Variants in UNC5D observed in about 807,000 individuals in gnomAD.
UNC5D encodes netrin receptor UNC5D.
UNC5D carries 39 observed loss-of-function variants against 105.4 expected under a neutral mutation model. The observed-to-expected ratio is 0.37, with a 90% CI of 0.29 to 0.48. UNC5D has a LOEUF of 0.48. UNC5D is among the 20% of genes least tolerant of loss of function. UNC5D has a pLI of 0.98. For synonymous variants in UNC5D, 452 were observed against 450.4 expected, an observed-to-expected ratio of 1.00 and a Z score of -0.04; for missense variants, 991 against 1,202.4, an observed-to-expected ratio of 0.82 and a Z score of 2.60.
intron 8 of UNC5D, among the ~76,000 whole-genome samples, chr8:35,706,665 A>AT (rs954172117): frequency 1.3e-5 from 2 of 152,020 alleles, no homozygotes; most frequent in Non-Finnish European, 2.9e-5. Flanking sequence ...AGGTATCTCT[A>AT]TTTTTCAAAG....
At chr8:35,301,755 CCTT>C (rs1807975806) in intron 1 of UNC5D, among the ~76,000 whole-genome samples, 1 of 152,028 alleles carries the variant, frequency 6.6e-6, no homozygotes, top group Non-Finnish European at 1.5e-5. Flanking sequence ...CAAATGGCCT[CCTT>C]CTTATATAAT....
chr8:35,767,468 GCTGGTTCTGA>G (rs1658747256), intron 15 of UNC5D, among the ~76,000 whole-genome samples: 1 of 152,136 alleles, frequency 6.6e-6, no homozygotes, highest in African/African-American at 2.4e-5. Flanking sequence ...CTGTTTTTCT[GCTGGTTCTGA>G]CTAGTTTCCA....
intron 1 of UNC5D, among the ~76,000 whole-genome samples, chr8:35,325,806 A>T (rs1015706351): frequency 2.6e-5 from 4 of 152,114 alleles, no homozygotes; most frequent in African/African-American, 9.7e-5. Context: ...ACATTTACTT[A>T]ATGTCCGTTG....
intron 1 of UNC5D, among the ~76,000 whole-genome samples, chr8:35,410,854 T>G (rs1225702783): frequency 2.0e-5 from 3 of 152,080 alleles, no homozygotes; most frequent in Non-Finnish European, 2.9e-5. Flanking sequence ...CTTTTCACAT[T>G]TTTTCTCAGG....
chr8:35,237,773 G>T (rs984536715), intron 1 of UNC5D, among the ~76,000 whole-genome samples: 1 of 152,142 alleles, frequency 6.6e-6, no homozygotes. Flanking sequence ...ACATTCTGGG[G>T]CATGAGGCCC....
chr8:35,519,262 T>C lies in UNC5D; in HGVS notation c.104-30030T>C, dbSNP rs115303666. 6.4e-3 allele frequency among the ~76,000 whole-genome samples: 970 copies of C among 152,268 alleles called. 9 individuals are homozygous for C. Among genetic ancestry groups the C allele is most frequent in the African/African-American group, 0.022 (932 of 41,558 alleles). On this transcript the variant is annotated intron_variant, in intron 1 of 16. Coordinates refer to ENST00000404895, the MANE Select transcript of UNC5D (RefSeq NM_080872.4). ...AATAATATGATCTTATAATGGTCTTTCTTGTATGGGGCTGACATGATTACC... is the reference window on the plus strand; with the variant it reads ...AATAATATGATCTTATAATGGTCTTCCTTGTATGGGGCTGACATGATTACC...
chr8:35,757,559 T>TC (rs1368703086), intron 13 of UNC5D, among the ~76,000 whole-genome samples: 1 of 152,124 alleles, frequency 6.6e-6, no homozygotes, highest in Non-Finnish European at 1.5e-5. Context: ...TTTCTTAACC[T>TC]CCTAGGCATT....
At chr8:35,490,567 A>C (rs988163767) in intron 1 of UNC5D, among the ~76,000 whole-genome samples, 14 of 152,128 alleles carry the variant, frequency 9.2e-5, no homozygotes, top group African/African-American at 2.4e-4. Context: ...CCTTCATGGA[A>C]GAGAACTTTC....
intron 1 of UNC5D, among the ~76,000 whole-genome samples, chr8:35,488,838 C>T (rs1268852808): frequency 6.6e-6 from 1 of 152,132 alleles, no homozygotes; most frequent in African/African-American, 2.4e-5. Flanking sequence ...CACTTCAGTT[C>T]TCAACCACAC....
intron 4 of UNC5D, among the ~76,000 whole-genome samples, chr8:35,658,951 G>A (rs533090858): frequency 1.6e-4 from 24 of 152,222 alleles, no homozygotes; most frequent in African/African-American, 4.1e-4. Flanking sequence ...CACCGTGCCC[G>A]GCAGAGTGAC....
intron 1 of UNC5D, among the ~76,000 whole-genome samples, chr8:35,499,830 C>A (rs574732459): frequency 3.3e-5 from 5 of 152,170 alleles, no homozygotes; most frequent in Non-Finnish European, 7.3e-5. Flanking sequence ...TGGAGCATTG[C>A]ATGATATTGA....
chr8:35,305,262 G>T (rs1339196005), intron 1 of UNC5D, among the ~76,000 whole-genome samples: 1 of 152,090 alleles, frequency 6.6e-6, no homozygotes, highest in African/African-American at 2.4e-5. Flanking sequence ...AATAACCACG[G>T]TCAGAACTAT....
intron 1 of UNC5D, chr8:35,544,674 C>CTCACGGCAA: frequency 8.9e-7 from 1 of 1,129,392 alleles, no homozygotes; most frequent in Non-Finnish European, 1.2e-6. Context: ...GTGATCACGG[C>CTCACGGCAA]TCACGGCAAC....
intron 3 of UNC5D, among the ~76,000 whole-genome samples, chr8:35,578,489 C>T (rs529710642): frequency 6.6e-6 from 1 of 152,252 alleles, no homozygotes; most frequent in Non-Finnish European, 1.5e-5. Context: ...TCTGAAGCAT[C>T]AATCATATTC....
At chr8:35,758,990 G>C (rs1006631260) in intron 13 of UNC5D, among the ~76,000 whole-genome samples, 2 of 152,192 alleles carry the variant, frequency 1.3e-5, no homozygotes, top group African/African-American at 4.8e-5. Flanking sequence ...AATTCCTACA[G>C]TTGTGGAAAC....
chr8:35,382,787 T>C (rs952272683), intron 1 of UNC5D, among the ~76,000 whole-genome samples: 6 of 152,214 alleles, frequency 3.9e-5, no homozygotes, highest in Admixed American at 1.3e-4. Context: ...GGTGAGATTC[T>C]GCATGCCCCT....
intron 1 of UNC5D, among the ~76,000 whole-genome samples, chr8:35,470,282 T>C (rs1471638162): frequency 6.6e-6 from 1 of 152,128 alleles, no homozygotes; most frequent in Non-Finnish European, 1.5e-5. Flanking sequence ...CTTTTAAATA[T>C]GGTTTTGAGG....
chr8:35,651,508 A>C (rs75508675), intron 4 of UNC5D, among the ~76,000 whole-genome samples: 1,885 of 152,332 alleles, frequency 0.012, 51 homozygotes, highest in African/African-American at 0.044. Context: ...CTTTAATCAC[A>C]AATACAAAAG....
At chr8:35,582,027 C>T (rs977491407) in intron 3 of UNC5D, among the ~76,000 whole-genome samples, 30 of 152,144 alleles carry the variant, frequency 2.0e-4, no homozygotes, top group Non-Finnish European at 3.4e-4. Flanking sequence ...CTCTTGCTGC[C>T]TTGAAATGCA....
Sources: allele counts gnomAD v4.1 joint callset (sites outside exome capture counted in the v4.1 genomes callset), GRCh38; gene constraint gnomAD v4.1.1; transcripts MANE v1.5; gene names NCBI Gene and HGNC (gene_info 2026-07-23, HGNC 2026-07-21).